SYTL3: variants seen among roughly 807,000 people sequenced by gnomAD.
SYTL3 encodes synaptotagmin like 3.
A neutral mutation model predicts 82.1 loss-of-function variants in SYTL3; 88 were observed. The observed-to-expected ratio is 1.07, with a 90% CI of 0.90 to 1.28. The LOEUF is 1.28. Among genes scored for constraint, SYTL3 ranks in the 50% most tolerant of loss-of-function variants. The pLI, the probability that SYTL3 is intolerant of heterozygous loss-of-function variation, is 0.00. For missense variants in SYTL3, 831 were observed against 757.6 expected, an observed-to-expected ratio of 1.10 and a Z score of -1.14; for synonymous variants, 311 against 289.4, an observed-to-expected ratio of 1.07 and a Z score of -0.76.
Position 158,705,565 on chromosome 6 carries a change from G to A in SYTL3, c.395-1665G>A, listed in dbSNP as rs377764048. ...GGGCTGTAAGGTCACATAGAGCAGCGGGGGGGGACCTGGGGGCAGGGTAAC... is the reference window on the plus strand; with the variant it reads ...GGGCTGTAAGGTCACATAGAGCAGCAGGGGGGGACCTGGGGGCAGGGTAAC... On this transcript the variant is annotated intron_variant, in intron 6 of 17. Coordinates refer to ENST00000611299, the MANE Select transcript of SYTL3 (RefSeq NM_001242394.2). Among the ~76,000 whole-genome samples the A allele has an allele frequency of 5.3e-5, 7 of 131,848 alleles. No homozygotes were observed. In the East Asian group the frequency reaches 1.2e-3, roughly 23 times the overall value. 86.5% of individuals were successfully genotyped at this position (131,848 alleles called of 152,430 possible). A position where few individuals can be genotyped will look rare whatever the true frequency, so the allele number is the denominator to read the frequency against.
chr6:158,737,042 A>G (rs1215526566), intron 11 of SYTL3, among the ~76,000 whole-genome samples: 1 of 150,930 alleles, frequency 6.6e-6, no homozygotes, highest in African/African-American at 2.4e-5. Context: ...TTCATGGCAA[A>G]AAAAAAAAAA....
chr6:158,675,166 C>T (rs1023723635), intron 5 of SYTL3, among the ~76,000 whole-genome samples: 9 of 152,116 alleles, frequency 5.9e-5, no homozygotes, highest in East Asian at 1.9e-4. Flanking sequence ...TCTAAGGATG[C>T]CCCCCTGCGG....
chr6:158,672,585 C>A (rs1036606492), intron 5 of SYTL3, among the ~76,000 whole-genome samples: 1 of 144,880 alleles, frequency 6.9e-6, no homozygotes, highest in Admixed American at 6.9e-5. Context: ...GAGACTGCAG[C>A]CTTATTCTCT....
At chr6:158,754,975 G>A (rs185757305) in intron 13 of SYTL3, among the ~76,000 whole-genome samples, 91 of 152,362 alleles carry the variant, frequency 6.0e-4, no homozygotes, top group African/African-American at 2.2e-3. Context: ...GATAAGGAGT[G>A]TAGCTGGAAT....
intron 15 of SYTL3, 77 bp downstream of exon 15, chr6:158,760,822 G>C: frequency 8.4e-7 from 1 of 1,191,934 alleles, no homozygotes; most frequent in Non-Finnish European, 1.2e-6. Context: ...GACTGAGGTG[G>C]GGTGAAAGTT....
intron 11 of SYTL3, among the ~76,000 whole-genome samples, chr6:158,741,191 C>T (rs1786882408): frequency 6.6e-6 from 1 of 152,154 alleles, no homozygotes; most frequent in Non-Finnish European, 1.5e-5. Context: ...CCTCAGTCTC[C>T]CAAGTAGCTG....
At chr6:158,678,464 C>G (rs185482703) in intron 5 of SYTL3, among the ~76,000 whole-genome samples, 3 of 152,160 alleles carry the variant, frequency 2.0e-5, no homozygotes, top group Admixed American at 6.6e-5. Context: ...CATTACAACA[C>G]GTGTGTTTGG....
chr6:158,653,373 G>T (rs1443997067), intron 2 of SYTL3, among the ~76,000 whole-genome samples: 1 of 152,104 alleles, frequency 6.6e-6, no homozygotes, highest in East Asian at 1.9e-4. Flanking sequence ...GAGGATGGTG[G>T]TGCATGCCTG....
chr6:158,677,700 T>A (rs2128397337), intron 5 of SYTL3, among the ~76,000 whole-genome samples: 1 of 96,264 alleles, frequency 1.0e-5, no homozygotes, highest in South Asian at 3.4e-4. Flanking sequence ...AATGAAACTC[T>A]GTCTCAAAAA....
Position 158,718,079 on chromosome 6 carries a change from C to T in SYTL3, c.596-8C>T. The T allele has an allele frequency of 1.3e-6, 2 of 1,517,934 alleles. No individual in the cohort carries two copies. The highest frequency in any genetic ancestry group is 2.5e-5 in the South Asian group (2 of 78,742). The allele number at this position is 1,517,934 out of a possible 1,614,324, so 94.0% of individuals were successfully genotyped here. ...TCCCACCCATCAACCCTTGTGTTTG[C>T]CTTTTAGAGCTCTCCAAATCCCAGA... is the stretch of plus-strand genomic sequence containing the variant. On this transcript the variant is annotated splice_polypyrimidine_tract_variant and splice_region_variant and intron_variant, in intron 9 of 17. Transcript: ENST00000611299.
At position 158,662,979 on chromosome 6, in the gene SYTL3, G is replaced by A. The variant is rs1789544825; in HGVS notation, c.-290G>A. ...AGATATGCTTTTGTCTTAGATGGAT[G>A]TCAGCAGCTGCTGCAGAACCCGGTG... is the stretch of plus-strand genomic sequence containing the variant. On this transcript the variant is annotated 5_prime_UTR_variant, in exon 4 of 18. It removes an upstream start codon present in the reference 5' UTR. Coordinates refer to ENST00000611299, the MANE Select transcript of SYTL3 (RefSeq NM_001242394.2). 6.8e-6 allele frequency: 2 copies of A among 292,542 alleles called. No individual in the cohort carries two copies. Among genetic ancestry groups the A allele is most frequent in the African/African-American group, 4.3e-5 (2 of 46,118 alleles). 18.1% of individuals were successfully genotyped at this position (292,542 alleles called of 1,614,324 possible). A position where few individuals can be genotyped will look rare whatever the true frequency, so the allele number is the denominator to read the frequency against.
chr6:158,689,299 A>G (rs952028438), intron 6 of SYTL3, among the ~76,000 whole-genome samples: 1 of 151,514 alleles, frequency 6.6e-6, no homozygotes, highest in East Asian at 1.9e-4. Context: ...CCAATAGATA[A>G]CTTTATCAGT....
intron 12 of SYTL3, among the ~76,000 whole-genome samples, chr6:158,749,383 T>A: frequency 9.9e-6 from 1 of 100,668 alleles, no homozygotes; most frequent in African/African-American, 4.6e-5. Flanking sequence ...CAAGTGAGAC[T>A]CTGTCTGAAA....
intron 9 of SYTL3, among the ~76,000 whole-genome samples, chr6:158,715,613 A>ACACACACACACACACACACACG (rs1291340388): frequency 2.8e-5 from 4 of 141,834 alleles, no homozygotes; most frequent in African/African-American, 8.1e-5. Flanking sequence ...ACACACACAC[A>ACACACACACACACACACACACG]CACGCACGCA....
At position 158,674,119 on chromosome 6, in the gene SYTL3, A is replaced by ATG. The variant is rs1777750524; in HGVS notation, c.329+8506_329+8507insTG. On this transcript the variant is annotated intron_variant, in intron 5 of 17. Transcript: ENST00000611299. ...TAATAATAATAATAATAATAATAAT[A>ATG]ATGATGATGATGATGATAATCTTCT... Among the ~76,000 whole-genome samples the ATG allele has an allele frequency of 7.4e-4, 104 of 141,448 alleles. 1 individual carries two copies. The highest frequency in any genetic ancestry group is 2.1e-3 in the African/African-American group (77 of 36,478). 92.8% of individuals were successfully genotyped at this position (141,448 alleles called of 152,430 possible). A position where few individuals can be genotyped will look rare whatever the true frequency, so the allele number is the denominator to read the frequency against.
chr6:158,691,742 C>A (rs575988442), intron 6 of SYTL3, among the ~76,000 whole-genome samples: 4 of 151,462 alleles, frequency 2.6e-5, no homozygotes, highest in African/African-American at 9.7e-5. Flanking sequence ...AGCTCCGCCT[C>A]CCGGGTTCAC....
At chr6:158,757,417 C>T (rs746285273) in intron 14 of SYTL3, 36 bp downstream of exon 14, 45 of 1,604,472 alleles carry the variant, frequency 2.8e-5, no homozygotes, top group Non-Finnish European at 6.0e-6. Flanking sequence ...CCCTCCATCC[C>T]CACTGTGATA....
intron 14 of SYTL3, among the ~76,000 whole-genome samples, chr6:158,757,883 T>C (rs2128543861): frequency 6.6e-6 from 1 of 152,266 alleles, no homozygotes; most frequent in South Asian, 2.1e-4. Flanking sequence ...CTGGCTAGGA[T>C]GTGGGGCTCC....
At chr6:158,676,152 C>CTATA (rs1778006067) in intron 5 of SYTL3, among the ~76,000 whole-genome samples, 1 of 152,188 alleles carries the variant, frequency 6.6e-6, no homozygotes, top group African/African-American at 2.4e-5. Context: ...TGACTTCAAA[C>CTATA]TATACTACAA....
Sources: allele counts gnomAD v4.1 joint callset (sites outside exome capture counted in the v4.1 genomes callset), GRCh38; gene constraint gnomAD v4.1.1; transcripts MANE v1.5; gene names NCBI Gene and HGNC (gene_info 2026-07-23, HGNC 2026-07-21).